Variants in DAB1 observed in about 807,000 individuals in gnomAD.
The protein encoded by DAB1 is DAB adaptor protein 1.
Under a neutral mutation model 64.6 loss-of-function variants are expected in DAB1, and 15 were observed. That is an observed-to-expected ratio of 0.23 (90% confidence interval 0.16 to 0.36). The LOEUF (loss-of-function observed/expected upper bound fraction) is 0.36. DAB1 is among the 10% of genes least tolerant of loss of function. The probability of loss-of-function intolerance (pLI) is 1.00; values close to 1 mark genes in which losing one functional copy is unlikely to be tolerated. For synonymous variants in DAB1, 235 were observed against 251.9 expected (o/e 0.93, Z 0.64); for missense variants, 596 against 706.7 (o/e 0.84, Z 1.78).
rs139359718 is a variant in DAB1, at chr1:57,449,403, G to A, written n.626-158237C>T. On this transcript the variant is annotated intron_variant and non_coding_transcript_variant, in intron 7 of 20. Transcript: ENST00000485760. ...TATCTGCTTTTTTTTTTTTTTTGAC[G>A]TGGTCTTGCTCTGTCACCCAGGCTA... 3.9e-3 allele frequency among the ~76,000 whole-genome samples: 528 copies of A among 136,962 alleles called. 6 individuals are homozygous for A. The highest frequency in any genetic ancestry group is 0.013 in the Middle Eastern group (3 of 234). 89.9% of individuals were successfully genotyped at this position (136,962 alleles called of 152,430 possible). A position where few individuals can be genotyped will look rare whatever the true frequency, so the allele number is the denominator to read the frequency against.
chr1:57,986,465 C>T (rs1439221413), intron 5 of DAB1, among the ~76,000 whole-genome samples: 2 of 152,138 alleles, frequency 1.3e-5, no homozygotes, highest in African/African-American at 2.4e-5. Flanking sequence ...AATTTCCCAG[C>T]CTTTAGACAT....
At chr1:57,499,932 G>A (rs886720411) in intron 7 of DAB1, among the ~76,000 whole-genome samples, 2 of 152,156 alleles carry the variant, frequency 1.3e-5, no homozygotes, top group African/African-American at 4.8e-5. Flanking sequence ...GCCTAGCTTG[G>A]TGTTTTTCAC....
At chr1:58,018,021 T>C (rs887856127) in intron 5 of DAB1, among the ~76,000 whole-genome samples, 4 of 152,218 alleles carry the variant, frequency 2.6e-5, no homozygotes, top group Admixed American at 6.5e-5. Context: ...GGTTCGCCAA[T>C]TGACAGCTAT....
At chr1:57,153,706 C>G (rs572417302) in intron 2 of DAB1, among the ~76,000 whole-genome samples, 1 of 151,912 alleles carries the variant, frequency 6.6e-6, no homozygotes, top group Non-Finnish European at 1.5e-5. Context: ...GGCGCAATCT[C>G]GGCTCACTGC....
At chr1:57,031,884 G>C (rs117669803) in intron 9 of DAB1, among the ~76,000 whole-genome samples, 2 of 152,172 alleles carry the variant, frequency 1.3e-5, no homozygotes, top group Admixed American at 1.3e-4. Context: ...TGGCAGTTTT[G>C]CCCCTTTTTT....
intron 3 of DAB1, among the ~76,000 whole-genome samples, chr1:58,488,459 CT>C (rs529647379): frequency 3.3e-5 from 5 of 151,072 alleles, no homozygotes; most frequent in East Asian, 1.9e-4. Context: ...AATGTGTAGT[CT>C]TTTTTTTTGA....
intron 3 of DAB1, chr1:58,473,881 G>T (rs764592322): frequency 1.1e-5 from 9 of 798,918 alleles, no homozygotes; most frequent in Non-Finnish European, 1.7e-5. Context: ...TTTCAACTCC[G>T]ACAGATTTCT....
intron 5 of DAB1, among the ~76,000 whole-genome samples, chr1:58,089,585 T>A (rs532677757): frequency 6.6e-6 from 1 of 152,322 alleles, no homozygotes; most frequent in African/African-American, 2.4e-5. Flanking sequence ...ATTCTTTACA[T>A]CCTGGCTTGG....
chr1:57,895,801 AATGGTGT>A (rs1644383735), intron 5 of DAB1, among the ~76,000 whole-genome samples: 1 of 152,214 alleles, frequency 6.6e-6, no homozygotes, highest in Admixed American at 6.5e-5. Flanking sequence ...TCCTCATACC[AATGGTGT>A]ATGCAAACAC....
chr1:57,536,791 C>G (rs912851200), intron 7 of DAB1, among the ~76,000 whole-genome samples: 1 of 152,108 alleles, frequency 6.6e-6, no homozygotes, highest in Non-Finnish European at 1.5e-5. Context: ...CCCACTCCCA[C>G]CCCCGCCAGC....
intron 7 of DAB1, among the ~76,000 whole-genome samples, chr1:57,632,138 A>G (rs1645997679): frequency 6.6e-6 from 1 of 152,232 alleles, no homozygotes; most frequent in Admixed American, 6.5e-5. Context: ...AGAATTAAAT[A>G]TTAGAGAGTC....
At chr1:58,294,353 G>A (rs1010135840) in intron 4 of DAB1, among the ~76,000 whole-genome samples, 5 of 152,006 alleles carry the variant, frequency 3.3e-5, no homozygotes, top group East Asian at 1.9e-4. Context: ...GTAGCAAGTC[G>A]CTGAAGGGAA....
chr1:58,330,655 T>C (rs566601729), intron 4 of DAB1, among the ~76,000 whole-genome samples: 2 of 152,306 alleles, frequency 1.3e-5, no homozygotes, highest in South Asian at 2.1e-4. Context: ...TCATTTGGCA[T>C]CCCAAAAGTC....
intron 6 of DAB1, among the ~76,000 whole-genome samples, chr1:57,742,318 T>C (rs1003059128): frequency 2.6e-5 from 4 of 152,154 alleles, no homozygotes; most frequent in Non-Finnish European, 5.9e-5. Context: ...GTAGATTTCA[T>C]GGTGTTTCAA....
At chr1:57,938,040 G>A (rs549693386) in intron 5 of DAB1, among the ~76,000 whole-genome samples, 9 of 152,308 alleles carry the variant, frequency 5.9e-5, no homozygotes, top group Non-Finnish European at 1.3e-4. Context: ...GAACATTCTG[G>A]GCCTCTAGCT....
At chr1:57,543,508 C>T (rs1463993780) in intron 7 of DAB1, among the ~76,000 whole-genome samples, 1 of 152,076 alleles carries the variant, frequency 6.6e-6, no homozygotes, top group South Asian at 2.1e-4. Context: ...ATTGTACCTG[C>T]CCTCATTTTT....
intron 2 of DAB1, among the ~76,000 whole-genome samples, chr1:57,271,764 G>A (rs1390380031): frequency 6.6e-6 from 1 of 152,174 alleles, no homozygotes; most frequent in Non-Finnish European, 1.5e-5. Flanking sequence ...TTTTTGTTTG[G>A]TAGTTGTACC....
chr1:57,492,768 G>A (rs77968443), intron 7 of DAB1, among the ~76,000 whole-genome samples: 5 of 152,198 alleles, frequency 3.3e-5, no homozygotes, highest in African/African-American at 1.2e-4. Context: ...CTTGAGCTCC[G>A]GGCTCCAGTC....
chr1:57,533,911 A>G (rs1250685337), intron 7 of DAB1, among the ~76,000 whole-genome samples: 1 of 152,158 alleles, frequency 6.6e-6, no homozygotes, highest in African/African-American at 2.4e-5. Flanking sequence ...ATATCAACAT[A>G]AAATTAGGGG....
Sources: gnomAD v4.1 joint callset for allele counts (sites outside exome capture counted in the v4.1 genomes callset) on GRCh38, gnomAD v4.1.1 for gene constraint, MANE v1.5 for transcripts, NCBI Gene and HGNC (gene_info 2026-07-23, HGNC 2026-07-21) for gene names.